KLHL28: variants seen among roughly 807,000 people sequenced by gnomAD.
KLHL28 encodes kelch-like protein 28.
KLHL28 carries 22 observed loss-of-function variants against 48.3 expected under a neutral mutation model. That is an observed-to-expected ratio of 0.46 (90% CI 0.33 to 0.65). The LOEUF (loss-of-function observed/expected upper bound fraction) is 0.65. Among genes scored for constraint, KLHL28 ranks in the 30% least tolerant of loss-of-function variants. KLHL28 has a pLI of 0.03. For synonymous variants in KLHL28, 243 were observed against 242.4 expected (o/e 1.00, Z -0.02); for missense variants, 527 against 704.3 (o/e 0.75, Z 2.85).
rs1883445655 is a variant in KLHL28 at position 44,928,405 on chromosome 14, A to T, written c.*623T>A. On this transcript the variant is annotated 3_prime_UTR_variant, in exon 5 of 5. Transcript: ENST00000396128. Reference sequence around the variant, plus strand: ...CTAAAATAGGGCCCCAAATATCATGATAATAAAAGCAATTGTCTTAAAAAT... The same window carrying T: ...CTAAAATAGGGCCCCAAATATCATGTTAATAAAAGCAATTGTCTTAAAAAT... 6.6e-6 allele frequency: 1 copy of T among 152,152 alleles called. No individual in the cohort carries two copies. The highest frequency in any genetic ancestry group is 1.9e-4 in the East Asian group (1 of 5,190). The allele number at this position is 152,152 out of a possible 1,614,324, so 9.4% of individuals were successfully genotyped here.
intron 1 of KLHL28, among the ~76,000 whole-genome samples, chr14:44,953,966 C>T (rs1040470429): frequency 2.6e-5 from 4 of 151,982 alleles, no homozygotes; most frequent in African/African-American, 9.7e-5. Context: ...ATCAGTAATA[C>T]ATAAAATATT....
intron 2 of KLHL28, among the ~76,000 whole-genome samples, chr14:44,941,560 G>A (rs1485524630): frequency 1.3e-5 from 2 of 151,006 alleles, no homozygotes; most frequent in Admixed American, 6.6e-5. Flanking sequence ...CCTGGGAGGC[G>A]GAGATTGCGG....
intron 1 of KLHL28, among the ~76,000 whole-genome samples, chr14:44,950,085 C>A (rs1203222446): frequency 6.6e-6 from 1 of 151,886 alleles, no homozygotes; most frequent in East Asian, 1.9e-4. Context: ...CATGAAAAAC[C>A]AAGGAATGAA....
At chr14:44,953,264 G>T (rs966240176) in intron 1 of KLHL28, among the ~76,000 whole-genome samples, 3 of 152,172 alleles carry the variant, frequency 2.0e-5, no homozygotes, top group Admixed American at 1.3e-4. Context: ...GGTAAAACTA[G>T]ATTTCTGCTA....
At chr14:44,952,801 ATACT>A (rs1884638050) in intron 1 of KLHL28, among the ~76,000 whole-genome samples, 1 of 152,200 alleles carries the variant, frequency 6.6e-6, no homozygotes, top group Non-Finnish European at 1.5e-5. Flanking sequence ...CAAAGAAGTA[ATACT>A]TTCTAATCCT....
intron 1 of KLHL28, among the ~76,000 whole-genome samples, chr14:44,959,050 A>C (rs1034163759): frequency 3.9e-5 from 6 of 151,938 alleles, no homozygotes; most frequent in Admixed American, 2.6e-4. Flanking sequence ...TAAAATATAT[A>C]TAATCTTCAA....
At chr14:44,951,005 T>G (rs564893598) in intron 1 of KLHL28, among the ~76,000 whole-genome samples, 6 of 152,254 alleles carry the variant, frequency 3.9e-5, no homozygotes, top group African/African-American at 1.2e-4. Flanking sequence ...TAGATTTAGA[T>G]AGTTTATTAC....
chr14:44,933,663 T>A (rs1883679357), intron 3 of KLHL28, among the ~76,000 whole-genome samples: 4 of 152,210 alleles, frequency 2.6e-5, no homozygotes, highest in African/African-American at 7.2e-5. Context: ...GATACATGTA[T>A]GATTACAGGA....
rs559129654 is a variant in KLHL28, at chr14:44,952,192, T to C, written c.1-6264A>G. Among the ~76,000 whole-genome samples the C allele has an allele frequency of 1.2e-3, 188 of 152,272 alleles. 1 individual carries two copies. The highest frequency in any genetic ancestry group is 4.3e-3 in the African/African-American group (178 of 41,552). On this transcript the variant is annotated intron_variant, in intron 1 of 4. Transcript: ENST00000396128. ...ATCTTAAAATTTTTAATTTGGCCCC[T>C]TTCCTCTCTCAAAAAATATGACTTT...
chr14:44,943,777 C>T (rs1884206054), intron 2 of KLHL28, among the ~76,000 whole-genome samples: 1 of 149,388 alleles, frequency 6.7e-6, no homozygotes. Flanking sequence ...TGCAATGGTG[C>T]ATTCATAGCT....
chr14:44,930,242 G>A (rs992819930), intron 4 of KLHL28, among the ~76,000 whole-genome samples: 32 of 151,992 alleles, frequency 2.1e-4, no homozygotes, highest in Admixed American at 6.6e-5. Context: ...ATAAATATAG[G>A]TTGAACATCC....
In KLHL28 at chr14:44,927,152, A is replaced by C. The variant is rs1243007788; in HGVS notation, c.*1876T>G. ...TTGAGTTCTAAATTAGAAGAGACTA[A>C]AAATCACTTGCAAGGTTTTATAATC... On this transcript the variant is annotated 3_prime_UTR_variant, in exon 5 of 5. Transcript: ENST00000396128. 2 of 152,644 alleles carry C rather than the reference A, an allele frequency of 1.3e-5. No homozygotes were observed. The highest frequency in any genetic ancestry group is 1.3e-4 in the Admixed American group (2 of 15,280). The allele number at this position is 152,644 out of a possible 1,614,324, so 9.5% of individuals were successfully genotyped here.
chr14:44,944,142 A>G (rs965444249), intron 2 of KLHL28, among the ~76,000 whole-genome samples: 24 of 152,230 alleles, frequency 1.6e-4, no homozygotes, highest in Non-Finnish European at 3.5e-4. Context: ...ATTAAACACA[A>G]AAGTTTTCAT....
At chr14:44,938,502 GC>G (rs1883925624) in intron 2 of KLHL28, among the ~76,000 whole-genome samples, 1 of 151,898 alleles carries the variant, frequency 6.6e-6, no homozygotes, top group South Asian at 2.1e-4. Flanking sequence ...CTCCCGAGTA[GC>G]TGGGACTACA....
intron 2 of KLHL28, among the ~76,000 whole-genome samples, chr14:44,934,994 C>T (rs376764484): frequency 7.2e-5 from 11 of 152,134 alleles, no homozygotes; most frequent in African/African-American, 2.4e-4. Context: ...AGCAACTCTA[C>T]TGATGAAAAA....
intron 2 of KLHL28, among the ~76,000 whole-genome samples, chr14:44,936,004 A>G (rs1883812081): frequency 6.6e-6 from 1 of 150,554 alleles, no homozygotes; most frequent in African/African-American, 2.4e-5. Flanking sequence ...TAATCAAGCT[A>G]TATTCATTCA....
chr14:44,938,410 C>T (rs371162313), intron 2 of KLHL28, among the ~76,000 whole-genome samples: 3 of 151,778 alleles, frequency 2.0e-5, no homozygotes, highest in South Asian at 2.1e-4. Context: ...CTCGCTCTAT[C>T]GCCCAGGCTG....
rs1883403020 is a variant in KLHL28, at chr14:44,927,236, T to A, written c.*1792A>T. 6.6e-6 allele frequency: 1 copy of A among 152,628 alleles called. No homozygotes were observed. The highest frequency in any genetic ancestry group is 2.1e-4 in the South Asian group (1 of 4,834). The allele number at this position is 152,628 out of a possible 1,614,324, so 9.5% of individuals were successfully genotyped here. A position where few individuals can be genotyped will look rare whatever the true frequency, so the allele number is the denominator to read the frequency against. ...TATGATTAAAAATGATTTTACATAGTTTTGTAGTATATATTCAAATCTACA... is the reference window on the plus strand; with the variant it reads ...TATGATTAAAAATGATTTTACATAGATTTGTAGTATATATTCAAATCTACA... On this transcript the variant is annotated 3_prime_UTR_variant, in exon 5 of 5. Transcript: ENST00000396128.
In KLHL28 at chr14:44,927,419, T is replaced by A. The variant is rs1566558549; in HGVS notation, c.*1609A>T. On this transcript the variant is annotated 3_prime_UTR_variant, in exon 5 of 5. Coordinates refer to ENST00000396128, the MANE Select transcript of KLHL28 (RefSeq NM_017658.5). ...ATGGCACTTAAGAATATAATATGAA[T>A]TTTTTTCTTAAGAAAAATTATCTTG... 1 of 152,468 alleles carries A rather than the reference T, an allele frequency of 6.6e-6. No homozygotes were observed. Among genetic ancestry groups the A allele is most frequent in the African/African-American group, 2.4e-5 (1 of 41,406 alleles). 9.4% of individuals were successfully genotyped at this position (152,468 alleles called of 1,614,324 possible).
Sources: allele counts gnomAD v4.1 joint callset (sites outside exome capture counted in the v4.1 genomes callset), GRCh38; gene constraint gnomAD v4.1.1; transcripts MANE v1.5; gene names NCBI Gene and HGNC (gene_info 2026-07-23, HGNC 2026-07-21).